MYO18B: variants seen among roughly 807,000 people sequenced by gnomAD.
MYO18B encodes the protein myosin XVIIIB, also known as unconventional myosin-XVIIIb.
A neutral mutation model predicts 273.0 loss-of-function variants in MYO18B; 204 were observed. That is an observed-to-expected ratio of 0.75 (90% CI 0.67 to 0.84). The LOEUF (loss-of-function observed/expected upper bound fraction) is 0.84, where lower values mean the gene tolerates loss of function less well. Among genes scored for constraint, MYO18B ranks in the 40% least tolerant of loss-of-function variants. The pLI is 0.00. For synonymous variants in MYO18B, 1,330 were observed against 1,305.7 expected (o/e 1.02, Z -0.40); for missense variants, 3,212 against 3,287.6 (o/e 0.98, Z 0.56).
intron 42 of MYO18B, among the ~76,000 whole-genome samples, chr22:26,015,238 A>G (rs553829379): frequency 2.6e-4 from 39 of 152,330 alleles, no homozygotes; most frequent in African/African-American, 8.9e-4. Flanking sequence ...AGAAAACAGC[A>G]TGGTGATTCC....
chr22:25,914,253 ATCT>A (rs957749759), intron 33 of MYO18B, among the ~76,000 whole-genome samples: 3 of 152,046 alleles, frequency 2.0e-5, no homozygotes, highest in Non-Finnish European at 4.4e-5. Flanking sequence ...TGACCCTTTA[ATCT>A]TCTTATTTAG....
chr22:25,890,717 C>T (rs374313898), intron 25 of MYO18B, 39 bp from the exon 26 acceptor site: 60 of 1,609,252 alleles, frequency 3.7e-5, no homozygotes, highest in Admixed American at 8.4e-5. Flanking sequence ...GTGGCTCCAT[C>T]GAGTGACCGT....
Position 26,012,915 on chromosome 22 carries a change from A to T in MYO18B, c.6470+8060A>T, listed in dbSNP as rs141771956. ...ATACCTAATTAATTTGTAATTACTA[A>T]CAAAATCAAGACTGGACCATTACAG... is the stretch of plus-strand genomic sequence containing the variant. On this transcript the variant is annotated intron_variant, in intron 42 of 43. Transcript: ENST00000335473. Among the ~76,000 whole-genome samples the T allele has an allele frequency of 2.7e-3, 408 of 152,314 alleles. 2 individuals carry two copies. Among genetic ancestry groups the T allele is most frequent in the Middle Eastern group, 0.01 (3 of 294 alleles).
At chr22:25,873,046 G>C (rs1183428436) in intron 22 of MYO18B, among the ~76,000 whole-genome samples, 4 of 152,172 alleles carry the variant, frequency 2.6e-5, no homozygotes, top group Admixed American at 2.6e-4. Flanking sequence ...AAGCAAACCA[G>C]AGCTACCCTT....
chr22:25,811,427 G>C (rs1025281470), intron 12 of MYO18B, among the ~76,000 whole-genome samples: 1 of 152,170 alleles, frequency 6.6e-6, no homozygotes. Flanking sequence ...CAGTGAGGGC[G>C]TCATGCATAG....
At position 25,783,321 on chromosome 22, in the gene MYO18B, A is replaced by G. The variant is rs1449867004; in HGVS notation, c.2312+1487A>G. Among the ~76,000 whole-genome samples the G allele has an allele frequency of 2.0e-5, 3 of 152,158 alleles. No homozygotes were observed. In the East Asian group the frequency reaches 5.8e-4, roughly 29 times the overall value. On this transcript the variant is annotated intron_variant, in intron 10 of 43. Coordinates refer to ENST00000335473, the MANE Select transcript of MYO18B (RefSeq NM_032608.7). ...GTAAAATGGGTTCCTACTAGTGCCA[A>G]CCCCGTAGGCATTTAAATGAGATCG...
chr22:25,847,615 G>A lies in MYO18B; in HGVS notation c.3738G>A (p.Gly1246=), dbSNP rs1359038678. The A allele has an allele frequency of 2.6e-6, 4 of 1,563,166 alleles. No individual in the cohort carries two copies. The South Asian group carries it at 3.5e-5, about 14-fold the overall frequency. Residue 1246 remains glycine (G), a synonymous_variant, in exon 20 of 44, where the codon GGG becomes GGA. Transcript: ENST00000335473. ...CAGCACTGAGGGTCCAGCTTGCTGGGTTCCACATCCTGGAGGCTCTGCGTC... is the reference window on the plus strand; with the variant it reads ...CAGCACTGAGGGTCCAGCTTGCTGGATTCCACATCCTGGAGGCTCTGCGTC... ...DIPALRVQLA[G]FHILEALRLH...
intron 39 of MYO18B, among the ~76,000 whole-genome samples, chr22:25,990,642 A>G (rs1202943184): frequency 1.6e-5 from 2 of 126,456 alleles, no homozygotes; most frequent in African/African-American, 3.0e-5. Flanking sequence ...AGCTGAGATC[A>G]TGCCACTGCA....
chr22:25,992,288 T>C (rs2093278179), intron 39 of MYO18B, 75 bp from the exon 40 acceptor site: 1 of 1,572,606 alleles, frequency 6.4e-7, no homozygotes. Context: ...CTGGGGCGTG[T>C]CTCTTCCCCA....
intron 39 of MYO18B, among the ~76,000 whole-genome samples, chr22:25,959,539 G>A (rs2092894724): frequency 6.6e-6 from 1 of 152,122 alleles, no homozygotes; most frequent in African/African-American, 2.4e-5. Context: ...GCCTCCCAAA[G>A]TGCTAGGATT....
At chr22:25,761,575 C>G (rs780301125) in intron 2 of MYO18B, among the ~76,000 whole-genome samples, 1 of 152,186 alleles carries the variant, frequency 6.6e-6, no homozygotes. Context: ...GAACCGGAAA[C>G]GGGCTCTCCT....
intron 39 of MYO18B, chr22:25,964,149 T>C (rs1026326607): frequency 6.5e-6 from 1 of 152,672 alleles, no homozygotes; most frequent in Non-Finnish European, 1.5e-5. Flanking sequence ...GCATGCAGCT[T>C]TGGGAGGGAT....
intron 39 of MYO18B, among the ~76,000 whole-genome samples, chr22:25,982,216 G>A (rs1450185547): frequency 6.6e-6 from 1 of 152,174 alleles, no homozygotes; most frequent in Non-Finnish European, 1.5e-5. Flanking sequence ...TTTGGGCAGG[G>A]ACACAGATCC....
At chr22:25,895,940 G>A (rs752377679) in intron 28 of MYO18B, among the ~76,000 whole-genome samples, 14 of 147,338 alleles carry the variant, frequency 9.5e-5, no homozygotes, top group Admixed American at 4.1e-4. Flanking sequence ...TTTTTTTTCC[G>A]CTCCCAGTGA....
chr22:26,052,568 T>G, the MYO18B span, among the ~76,000 whole-genome samples: 2 of 152,064 alleles, frequency 1.3e-5, no homozygotes, highest in African/African-American at 4.8e-5. Context: ...GGAAAACTCA[T>G]GAGGGGTGAG....
intron 33 of MYO18B, among the ~76,000 whole-genome samples, chr22:25,911,966 G>T (rs2092167700): frequency 6.6e-6 from 1 of 152,164 alleles, no homozygotes; most frequent in African/African-American, 2.4e-5. Flanking sequence ...AAGTATCAAA[G>T]GAGTGTATTT....
chr22:25,869,492 A>G (rs909016889), intron 22 of MYO18B, among the ~76,000 whole-genome samples: 4 of 144,942 alleles, frequency 2.8e-5, no homozygotes, highest in Non-Finnish European at 4.5e-5. Flanking sequence ...GAAGGAAGGA[A>G]GGAGGGAGGG....
chr22:25,796,322 C>T (rs1170856829), intron 11 of MYO18B, among the ~76,000 whole-genome samples: 4 of 152,132 alleles, frequency 2.6e-5, no homozygotes, highest in South Asian at 2.1e-4. Flanking sequence ...CAGTGGCTCA[C>T]GCCTGTAATC....
chr22:26,032,213 A>G (rs967032479), downstream of MYO18B, among the ~76,000 whole-genome samples: 4 of 152,222 alleles, frequency 2.6e-5, no homozygotes, highest in African/African-American at 9.6e-5. Context: ...AGTATAGCAT[A>G]CTGTATTAGT....
Sources: gnomAD v4.1 joint callset for allele counts (sites outside exome capture counted in the v4.1 genomes callset) on GRCh38, gnomAD v4.1.1 for gene constraint, MANE v1.5 for transcripts, NCBI Gene and HGNC (gene_info 2026-07-23, HGNC 2026-07-21) for gene names.